The following NTRK2 variants were observed in gnomAD, a reference collection of about 807,000 sequenced individuals.
NTRK2 encodes neurotrophic receptor tyrosine kinase 2.
NTRK2 carries 13 observed loss-of-function variants against 94.5 expected under a neutral mutation model. The observed-to-expected ratio is 0.14, with a 90% CI of 0.09 to 0.22. The LOEUF is 0.22. NTRK2 is among the 10% of genes least tolerant of loss of function. The pLI is 1.00. For missense variants in NTRK2, 639 were observed against 1,071.2 expected (o/e 0.60, Z 5.63); for synonymous variants, 372 against 407.4 (o/e 0.91, Z 1.05).
chr9:84,739,183 T>C (rs1274000505), intron 9 of NTRK2, among the ~76,000 whole-genome samples: 1 of 152,112 alleles, frequency 6.6e-6, no homozygotes, highest in Non-Finnish European at 1.5e-5. Flanking sequence ...CCAGAATAGC[T>C]GGGACTACAG....
At chr9:84,982,836 T>C (rs917444700) in intron 17 of NTRK2, among the ~76,000 whole-genome samples, 4 of 152,150 alleles carry the variant, frequency 2.6e-5, no homozygotes, top group African/African-American at 4.8e-5. Flanking sequence ...CCCAAGATAA[T>C]CTACATTCCA....
At chr9:84,728,807 G>C (rs1027952392) in intron 9 of NTRK2, among the ~76,000 whole-genome samples, 2 of 152,234 alleles carry the variant, frequency 1.3e-5, no homozygotes, top group Non-Finnish European at 2.9e-5. Flanking sequence ...GAGCGTGTCA[G>C]TGTGAGCTTC....
intron 2 of NTRK2, among the ~76,000 whole-genome samples, chr9:84,679,426 A>G (rs188827222): frequency 2.6e-5 from 4 of 152,288 alleles, no homozygotes; most frequent in Admixed American, 1.3e-4. Context: ...GCAGACCATC[A>G]TTGTTTCAAC....
intron 14 of NTRK2, among the ~76,000 whole-genome samples, chr9:84,901,405 T>C (rs2076925928): frequency 6.6e-6 from 1 of 151,704 alleles, no homozygotes; most frequent in Admixed American, 6.6e-5. Flanking sequence ...TGTGTGTGTG[T>C]GTATTTTTAG....
chr9:84,842,607 C>T (rs1018341613), intron 12 of NTRK2, among the ~76,000 whole-genome samples: 1 of 152,100 alleles, frequency 6.6e-6, no homozygotes, highest in African/African-American at 2.4e-5. Flanking sequence ...CCAGCAGAAA[C>T]CGGCATGCTC....
chr9:84,958,697 G>C (rs916181571), intron 17 of NTRK2, among the ~76,000 whole-genome samples: 3 of 152,154 alleles, frequency 2.0e-5, no homozygotes, highest in Non-Finnish European at 4.4e-5. Flanking sequence ...GGGAAGTGAA[G>C]GATGGATGCA....
rs200925902 is a variant in NTRK2 at position 84,877,614 on chromosome 9, C to T, written c.1633+10183C>T. On this transcript the variant is annotated intron_variant, in intron 14 of 18. Transcript: ENST00000277120. ...GCTGCTGCTGCACCATGTTGGGCTG[C>T]GGTAGGATAGGGAAGGGGTTCTGTT... 85 of 1,065,352 alleles carry T rather than the reference C, an allele frequency of 8.0e-5. 1 individual carries two copies. Among genetic ancestry groups the T allele is most frequent in the Middle Eastern group, 8.3e-4 (2 of 2,422 alleles). 66.0% of individuals were successfully genotyped at this position (1,065,352 alleles called of 1,614,324 possible).
intron 14 of NTRK2, among the ~76,000 whole-genome samples, chr9:84,886,476 C>G (rs2076418357): frequency 6.6e-6 from 1 of 152,216 alleles, no homozygotes; most frequent in Admixed American, 6.5e-5. Context: ...TTAATTATCA[C>G]CGAAGCTCAG....
At chr9:84,789,340 T>C (rs1186366492) in intron 12 of NTRK2, among the ~76,000 whole-genome samples, 1 of 152,168 alleles carries the variant, frequency 6.6e-6, no homozygotes, top group Non-Finnish European at 1.5e-5. Flanking sequence ...GTGTACTGAA[T>C]TAATTGTATC....
chr9:84,967,622 G>A (rs1177694446), intron 17 of NTRK2, among the ~76,000 whole-genome samples: 1 of 152,230 alleles, frequency 6.6e-6, no homozygotes, highest in Non-Finnish European at 1.5e-5. Flanking sequence ...AGAACATGAC[G>A]CTGGGCTCCT....
chr9:84,684,326 G>T (rs1340237189), intron 2 of NTRK2, among the ~76,000 whole-genome samples: 1 of 152,062 alleles, frequency 6.6e-6, no homozygotes, highest in African/African-American at 2.4e-5. Flanking sequence ...TATGGTTTTG[G>T]GTTTTACATT....
chr9:84,832,261 C>T (rs886951354), intron 12 of NTRK2, among the ~76,000 whole-genome samples: 1 of 152,178 alleles, frequency 6.6e-6, no homozygotes, highest in African/African-American at 2.4e-5. Flanking sequence ...GGCACCCACA[C>T]AGGGATGCTA....
At chr9:84,735,501 AGAT>A (rs2063195714) in intron 9 of NTRK2, among the ~76,000 whole-genome samples, 1 of 152,242 alleles carries the variant, frequency 6.6e-6, no homozygotes, top group East Asian at 1.9e-4. Context: ...GCATCCATCA[AGAT>A]GACCTCACTG....
intron 17 of NTRK2, 124 bp downstream of exon 17, chr9:84,955,641 G>A (rs1824019214): frequency 1.2e-6 from 1 of 823,674 alleles, no homozygotes; most frequent in Non-Finnish European, 2.0e-6. Flanking sequence ...ACAGACATGT[G>A]TTTCTCATGG....
At chr9:84,759,276 A>G (rs1425782621) in intron 12 of NTRK2, among the ~76,000 whole-genome samples, 1 of 152,200 alleles carries the variant, frequency 6.6e-6, no homozygotes, top group African/African-American at 2.4e-5. Context: ...CCCTGCCAAC[A>G]TTTGGCTTCT....
At chr9:85,012,122 G>A (rs1022696882) in intron 17 of NTRK2, among the ~76,000 whole-genome samples, 12 of 151,884 alleles carry the variant, frequency 7.9e-5, no homozygotes, top group Admixed American at 2.6e-4. Context: ...CCGAGTAGCT[G>A]GGACTACAGG....
In NTRK2 at chr9:84,867,268, T is replaced by C. The variant is rs199801997; in HGVS notation, c.1470T>C (p.Asp490=). The C allele has an allele frequency of 8.7e-6, 14 of 1,614,098 alleles. No homozygotes were observed. The highest frequency in any genetic ancestry group is 1.2e-5 in the Non-Finnish European group (14 of 1,179,940). Residue 490 remains aspartate, a synonymous_variant, in exon 14 of 19, where the codon GAT becomes GAC. Coordinates refer to ENST00000277120, the MANE Select transcript of NTRK2 (RefSeq NM_006180.6). The stretch of plus-strand genomic sequence containing the variant: ...GCCCAGCCTCCGTTATCAGCAATGA[T>C]GATGACTCTGCCAGCCCACTCCATC... ...GVGPASVISN[D]DDSASPLHHI... is the part of the protein sequence containing the mutation.
chr9:84,759,975 G>A (rs1448328930), intron 12 of NTRK2, among the ~76,000 whole-genome samples: 1 of 152,264 alleles, frequency 6.6e-6, no homozygotes. Flanking sequence ...AATACTAAAT[G>A]ACTATGGGAA....
At chr9:84,810,680 A>C (rs2071678966) in intron 12 of NTRK2, 1 of 1,599,748 alleles carries the variant, frequency 6.3e-7, no homozygotes, top group Non-Finnish European at 8.5e-7. Context: ...TATCCCGGGA[A>C]GTGCTGCTTA....
Sources: allele counts gnomAD v4.1 joint callset (sites outside exome capture counted in the v4.1 genomes callset), GRCh38; gene constraint gnomAD v4.1.1; transcripts MANE v1.5; gene names NCBI Gene and HGNC (gene_info 2026-07-23, HGNC 2026-07-21).